The following WWOX variants were observed in gnomAD, a reference collection of about 807,000 sequenced individuals.
WWOX encodes WW domain-containing oxidoreductase.
A neutral mutation model predicts 46.2 loss-of-function variants in WWOX; 69 were observed. The ratio of observed to expected loss-of-function variants is 1.49; its 90% CI spans 1.23 to 1.82. WWOX has a LOEUF of 1.82. Among genes scored for constraint, WWOX ranks in the 40% most tolerant of loss-of-function variants. WWOX has a pLI of 0.00. For missense variants in WWOX, 919 were observed against 542.6 expected (o/e 1.69, Z -6.89); for synonymous variants, 359 against 202.6 (o/e 1.77, Z -6.56).
intron 8 of WWOX, among the ~76,000 whole-genome samples, chr16:78,505,482 C>A (rs1471540282): frequency 6.6e-6 from 1 of 152,122 alleles, no homozygotes; most frequent in Non-Finnish European, 1.5e-5. Context: ...ACGCTTCGTA[C>A]CTAGATTTGG....
chr16:78,995,899 C>T (rs547686063), intron 8 of WWOX, among the ~76,000 whole-genome samples: 1 of 152,256 alleles, frequency 6.6e-6, no homozygotes, highest in East Asian at 1.9e-4. Context: ...GGATCATTTC[C>T]AAACGATTTT....
At chr16:79,008,276 C>G (rs2047229486) in intron 8 of WWOX, among the ~76,000 whole-genome samples, 1 of 152,168 alleles carries the variant, frequency 6.6e-6, no homozygotes, top group South Asian at 2.1e-4. Context: ...GGAGGCTCCC[C>G]CATGCTCTGA....
intron 8 of WWOX, among the ~76,000 whole-genome samples, chr16:79,042,777 A>C (rs1440000294): frequency 6.8e-6 from 1 of 146,632 alleles, no homozygotes; most frequent in African/African-American, 2.6e-5. Flanking sequence ...AGGATTTCTC[A>C]AATGCACATT....
At chr16:78,879,747 C>G (rs1056377782) in intron 8 of WWOX, among the ~76,000 whole-genome samples, 16 of 152,034 alleles carry the variant, frequency 1.1e-4, no homozygotes, top group African/African-American at 3.9e-4. Flanking sequence ...CATGGTGGCA[C>G]ATGCCTGTAA....
At chr16:79,174,829 G>A (rs2050769258) in intron 8 of WWOX, among the ~76,000 whole-genome samples, 2 of 152,174 alleles carry the variant, frequency 1.3e-5, no homozygotes, top group Non-Finnish European at 2.9e-5. Context: ...CTAATTAAGA[G>A]TAAAAAGATG....
chr16:78,246,476 C>T (rs1260236377), intron 5 of WWOX, among the ~76,000 whole-genome samples: 3 of 152,102 alleles, frequency 2.0e-5, no homozygotes, highest in Non-Finnish European at 2.9e-5. Flanking sequence ...CCTCATAAAA[C>T]AGTTAACAGG....
At chr16:78,283,973 T>TC (rs2079727415) in intron 5 of WWOX, among the ~76,000 whole-genome samples, 3 of 152,256 alleles carry the variant, frequency 2.0e-5, no homozygotes, top group Non-Finnish European at 4.4e-5. Context: ...AACCCATTAA[T>TC]ATCACGTCAT....
intron 8 of WWOX, among the ~76,000 whole-genome samples, chr16:78,837,689 A>T (rs948912026): frequency 1.3e-5 from 2 of 152,214 alleles, no homozygotes; most frequent in African/African-American, 2.4e-5. Flanking sequence ...GGGCTGACAA[A>T]GATTGAGTGA....
intron 8 of WWOX, among the ~76,000 whole-genome samples, chr16:78,946,735 G>T: frequency 6.6e-6 from 1 of 151,834 alleles, no homozygotes. Flanking sequence ...GAGTCATGCG[G>T]GCCATATGGA....
chr16:78,628,947 C>T (rs952166596), intron 8 of WWOX, among the ~76,000 whole-genome samples: 6 of 152,066 alleles, frequency 3.9e-5, no homozygotes, highest in African/African-American at 7.2e-5. Context: ...GAGATGTTTC[C>T]GTTCTATTTT....
intron 8 of WWOX, among the ~76,000 whole-genome samples, chr16:79,046,975 C>G (rs980660377): frequency 4.5e-4 from 69 of 152,320 alleles, no homozygotes; most frequent in African/African-American, 1.6e-3. Context: ...CCAGCCTGAG[C>G]TACCTGACCC....
chr16:78,146,145 TTACTC>T (rs377338141), intron 4 of WWOX, among the ~76,000 whole-genome samples: 23 of 152,222 alleles, frequency 1.5e-4, no homozygotes, highest in African/African-American at 5.3e-4. Flanking sequence ...CATAAGCTGT[TTACTC>T]TAGGAAGGAG....
chr16:78,655,841 G>C (rs2047068078), intron 8 of WWOX, among the ~76,000 whole-genome samples: 1 of 152,154 alleles, frequency 6.6e-6, no homozygotes, highest in Non-Finnish European at 1.5e-5. Flanking sequence ...GGTGATGTGG[G>C]CTTGATTTTC....
chr16:78,869,648 A>G (rs896662132), intron 8 of WWOX, among the ~76,000 whole-genome samples: 7 of 152,128 alleles, frequency 4.6e-5, no homozygotes, highest in African/African-American at 1.4e-4. Flanking sequence ...ATTCTGCGGT[A>G]TTTTTGTGGA....
intron 8 of WWOX, among the ~76,000 whole-genome samples, chr16:78,654,238 G>GT (rs1270562912): frequency 6.6e-6 from 1 of 152,082 alleles, no homozygotes. Flanking sequence ...GAAAACCCTG[G>GT]TTTTCAGATT....
In WWOX at chr16:79,079,125, C is replaced by G. The variant is rs554005919; in HGVS notation, c.1057-132483C>G. Among the ~76,000 whole-genome samples the G allele has an allele frequency of 5.9e-5, 9 of 152,302 alleles. No homozygotes were observed. The South Asian group carries it at 1.7e-3, about 28-fold the overall frequency. On this transcript the variant is annotated intron_variant, in intron 8 of 8. Transcript: ENST00000566780. ...CATGTAACATCCAAGGTAGCTGTAC[C>G]TAGTTGCAATGCTCTCTTCCAAGTA...
At chr16:78,533,969 C>T (rs34085598) in intron 8 of WWOX, among the ~76,000 whole-genome samples, 2,190 of 152,206 alleles carry the variant, frequency 0.014, 23 homozygotes, top group African/African-American at 0.027. Context: ...TACATTCTAG[C>T]GTAGGCAAAT....
chr16:78,979,015 C>T (rs562464580), intron 8 of WWOX, among the ~76,000 whole-genome samples: 9 of 152,140 alleles, frequency 5.9e-5, no homozygotes, highest in South Asian at 2.1e-4. Flanking sequence ...GGACCAGCAT[C>T]GACCTTCATC....
intron 5 of WWOX, among the ~76,000 whole-genome samples, chr16:78,354,091 GA>G (rs1265910344): frequency 6.6e-6 from 1 of 152,138 alleles, no homozygotes; most frequent in African/African-American, 2.4e-5. Flanking sequence ...ATGTTTTCCA[GA>G]AAGGCTGTTT....
Sources: gnomAD v4.1 joint callset for allele counts (sites outside exome capture counted in the v4.1 genomes callset) on GRCh38, gnomAD v4.1.1 for gene constraint, MANE v1.5 for transcripts, NCBI Gene and HGNC (gene_info 2026-07-23, HGNC 2026-07-21) for gene names.